STPG2: variants seen among roughly 807,000 people sequenced by gnomAD.
STPG2 encodes sperm tail PG-rich repeat containing 2.
Under a neutral mutation model 54.2 loss-of-function variants are expected in STPG2, and 56 were observed. The observed-to-expected ratio is 1.03, with a 90% CI of 0.83 to 1.29. The LOEUF is 1.29. Ranked by LOEUF, STPG2 falls within the 50% of genes most tolerant of loss-of-function variation. The probability of loss-of-function intolerance (pLI) is 0.00; values close to 1 mark genes in which losing one functional copy is unlikely to be tolerated. For synonymous variants in STPG2, 200 were observed against 181.8 expected (o/e 1.10, Z -0.81); for missense variants, 596 against 544.9 (o/e 1.09, Z -0.93).
chr4:97,947,825 T>C (rs1311784973), intron 7 of STPG2, among the ~76,000 whole-genome samples: 3 of 152,132 alleles, frequency 2.0e-5, no homozygotes, highest in Non-Finnish European at 4.4e-5. Flanking sequence ...GTTGAGAGTT[T>C]TTGCATCTAC....
chr4:98,139,136 G>A (rs1740210840), intron 1 of STPG2, among the ~76,000 whole-genome samples: 1 of 152,128 alleles, frequency 6.6e-6, no homozygotes, highest in Non-Finnish European at 1.5e-5. Context: ...CCTCATGAAA[G>A]CAGAAAGAAA....
intron 8 of STPG2, among the ~76,000 whole-genome samples, chr4:97,907,578 G>T (rs941267595): frequency 6.6e-6 from 1 of 152,008 alleles, no homozygotes; most frequent in Non-Finnish European, 1.5e-5. Context: ...TAAGCCAAAA[G>T]AACAAAGCTG....
intron 10 of STPG2, among the ~76,000 whole-genome samples, chr4:97,589,755 A>C (rs1733090653): frequency 6.6e-6 from 1 of 152,180 alleles, no homozygotes; most frequent in Non-Finnish European, 1.5e-5. Flanking sequence ...ATTTATATTA[A>C]GTGCACATAC....
chr4:97,936,307 C>G (rs755257853), intron 8 of STPG2, among the ~76,000 whole-genome samples: 2 of 152,102 alleles, frequency 1.3e-5, no homozygotes, highest in Non-Finnish European at 2.9e-5. Flanking sequence ...ATACAGCACA[C>G]TGATGATTTG....
chr4:97,718,581 AT>A (rs760608184), intron 9 of STPG2, among the ~76,000 whole-genome samples: 1 of 152,026 alleles, frequency 6.6e-6, no homozygotes, highest in Non-Finnish European at 1.5e-5. Flanking sequence ...GATGAAATGA[AT>A]GATACAATAC....
rs114671077 is a variant in STPG2 at position 97,629,403 on chromosome 4, G to A, written c.1321-70286C>T. On this transcript the variant is annotated intron_variant, in intron 10 of 10. Transcript: ENST00000295268. ...CTGGATTAAACAGACACATATGTGC[G>A]TGCACGCACTATAGGACTTCTGATA... 4.5e-3 allele frequency among the ~76,000 whole-genome samples: 683 copies of A among 152,114 alleles called. 6 individuals are homozygous for A. The highest frequency in any genetic ancestry group is 0.016 in the African/African-American group (655 of 41,550).
intron 9 of STPG2, among the ~76,000 whole-genome samples, chr4:97,724,479 G>A (rs184520740): frequency 4.2e-4 from 64 of 151,938 alleles, no homozygotes; most frequent in Middle Eastern, 3.4e-3. Context: ...TTATTTTTAC[G>A]GTGAGTTGTA....
intron 9 of STPG2, among the ~76,000 whole-genome samples, chr4:97,800,259 T>C (rs946123621): frequency 2.0e-5 from 3 of 152,244 alleles, no homozygotes; most frequent in African/African-American, 7.2e-5. Context: ...AGAGGTGCTC[T>C]GATTTTTAGA....
intron 10 of STPG2, among the ~76,000 whole-genome samples, chr4:97,698,829 T>C (rs190389004): frequency 5.3e-5 from 8 of 152,288 alleles, no homozygotes; most frequent in African/African-American, 1.9e-4. Context: ...TTCAGGATGA[T>C]GGGGAACATG....
intron 4 of STPG2, among the ~76,000 whole-genome samples, chr4:97,518,580 T>C (rs149669666): frequency 7.2e-5 from 11 of 152,208 alleles, no homozygotes; most frequent in Non-Finnish European, 1.5e-4. Flanking sequence ...GGTGGGAAGA[T>C]AGACATAAAT....
chr4:97,546,496 A>T (rs1462010829), intron 4 of STPG2, among the ~76,000 whole-genome samples: 1 of 152,136 alleles, frequency 6.6e-6, no homozygotes, highest in Non-Finnish European at 1.5e-5. Context: ...ATAGCTGAAG[A>T]TGCTATAGAG....
At chr4:97,579,658 T>G (rs1732814001) in intron 10 of STPG2, among the ~76,000 whole-genome samples, 1 of 152,086 alleles carries the variant, frequency 6.6e-6, no homozygotes, top group Non-Finnish European at 1.5e-5. Flanking sequence ...AATTCATCTA[T>G]TTACTTGCAT....
chr4:97,538,309 T>C (rs1296406471), intron 4 of STPG2, among the ~76,000 whole-genome samples: 8 of 152,076 alleles, frequency 5.3e-5, no homozygotes, highest in African/African-American at 1.9e-4. Flanking sequence ...ATTAGATGAA[T>C]GGCTAATGAG....
intron 10 of STPG2, among the ~76,000 whole-genome samples, chr4:97,633,101 A>C: frequency 6.6e-6 from 1 of 152,296 alleles, no homozygotes; most frequent in Middle Eastern, 3.4e-3. Flanking sequence ...ACATGTGTAT[A>C]TATGTATACA....
At chr4:97,542,183 A>T (rs1731726120) in intron 4 of STPG2, among the ~76,000 whole-genome samples, 1 of 152,242 alleles carries the variant, frequency 6.6e-6, no homozygotes, top group South Asian at 2.1e-4. Context: ...TGAACAGGCA[A>T]CTTACAGAAT....
At chr4:97,751,458 G>A (rs1428562636) in intron 9 of STPG2, among the ~76,000 whole-genome samples, 1 of 151,772 alleles carries the variant, frequency 6.6e-6, no homozygotes, top group African/African-American at 2.4e-5. Flanking sequence ...TTTCCAAACT[G>A]CATGTACTCT....
At chr4:97,635,712 T>C (rs1721491775) in intron 10 of STPG2, among the ~76,000 whole-genome samples, 1 of 131,234 alleles carries the variant, frequency 7.6e-6, no homozygotes, top group South Asian at 3.1e-4. Context: ...TAAAACAGAC[T>C]TTAAACCAAC....
chr4:98,100,243 A>C (rs1738986449), intron 5 of STPG2, among the ~76,000 whole-genome samples: 1 of 152,298 alleles, frequency 6.6e-6, no homozygotes, highest in South Asian at 2.1e-4. Context: ...AAGCATTACT[A>C]AACATAGGTA....
chr4:97,453,961 C>CAG (rs776013797), intron 4 of STPG2, among the ~76,000 whole-genome samples: 15 of 152,064 alleles, frequency 9.9e-5, no homozygotes, highest in Non-Finnish European at 2.1e-4. Flanking sequence ...AAATGAAACT[C>CAG]TTCCTAAGTT....
Sources: allele counts gnomAD v4.1 joint callset (sites outside exome capture counted in the v4.1 genomes callset), GRCh38; gene constraint gnomAD v4.1.1; transcripts MANE v1.5; gene names NCBI Gene and HGNC (gene_info 2026-07-23, HGNC 2026-07-21).